The following CHLSN variants were observed in gnomAD, a reference collection of about 807,000 sequenced individuals.
CHLSN encodes protein cholesin.
chr7:1,091,594 T>C, the CHLSN span: 1 of 743,516 alleles, frequency 1.3e-6, no homozygotes, highest in Non-Finnish European at 2.3e-6. Context: ...GTGCTCCTCC[T>C]GGGGAGTTTC....
chr7:1,011,276 G>C, the CHLSN span, among the ~76,000 whole-genome samples: 2 of 104,650 alleles, frequency 1.9e-5, no homozygotes, highest in African/African-American at 3.7e-5. Flanking sequence ...CCCACACCCA[G>C]ATACCCACAC....
At chr7:1,055,374 C>T in the CHLSN span, 1 of 470,744 alleles carries the variant, frequency 2.1e-6, no homozygotes, top group Admixed American at 2.3e-5. Flanking sequence ...AGAAGCGCAG[C>T]AGCGCGCAGG....
At chr7:1,093,631 G>A in the CHLSN span, 1 of 471,256 alleles carries the variant, frequency 2.1e-6, no homozygotes, top group Non-Finnish European at 4.4e-6. Flanking sequence ...CTGCCGTGTG[G>A]GTTAGTCGGG....
chr7:980,172 A>G, the CHLSN span, among the ~76,000 whole-genome samples: 1 of 152,200 alleles, frequency 6.6e-6, no homozygotes. Flanking sequence ...CTGAGTTTGG[A>G]ACCAGGTCTG....
At chr7:1,106,373 G>C in the CHLSN span, among the ~76,000 whole-genome samples, 3 of 152,308 alleles carry the variant, frequency 2.0e-5, no homozygotes, top group Admixed American at 1.3e-4. Context: ...GCGCTTCTGA[G>C]GGCCCCTGTG....
the CHLSN span, chr7:1,028,293 G>C: frequency 9.4e-7 from 1 of 1,060,870 alleles, no homozygotes. Flanking sequence ...GGGCACGGAC[G>C]GCGCCGGGGC....
the CHLSN span, among the ~76,000 whole-genome samples, chr7:999,137 A>G: frequency 6.6e-6 from 1 of 152,224 alleles, no homozygotes; most frequent in Non-Finnish European, 1.5e-5. Context: ...TTGCCTAACC[A>G]AGGATTATTT....
chr7:1,081,037 T>G, the CHLSN span: 14 of 152,416 alleles, frequency 9.2e-5, no homozygotes, highest in African/African-American at 2.6e-4. Flanking sequence ...TTTGTTACTC[T>G]GCCTCTTAGA....
the CHLSN span, among the ~76,000 whole-genome samples, chr7:1,095,456 A>G: frequency 6.6e-6 from 1 of 152,324 alleles, no homozygotes; most frequent in East Asian, 1.9e-4. Context: ...CCCAGAAAGC[A>G]GGCGGGGTGG....
At chr7:1,027,842 G>A in the CHLSN span, among the ~76,000 whole-genome samples, 1 of 152,220 alleles carries the variant, frequency 6.6e-6, no homozygotes, top group African/African-American at 2.4e-5. Context: ...CCCACCCAGG[G>A]TCCTCAGAGC....
At chr7:1,059,534 AGTGAGGTGGGTCTTAGTGG>A in the CHLSN span, among the ~76,000 whole-genome samples, 1 of 126,082 alleles carries the variant, frequency 7.9e-6, no homozygotes, top group African/African-American at 3.1e-5. Flanking sequence ...GGCGGGTCTT[AGTGAGGTGGGTCTTAGTGG>A]GGCGGGTCGG....
the CHLSN span, among the ~76,000 whole-genome samples, chr7:1,014,748 A>G: frequency 1.3e-5 from 2 of 152,270 alleles, no homozygotes; most frequent in African/African-American, 4.8e-5. Flanking sequence ...TGAACACCAC[A>G]TGCACAGAAA....
At chr7:988,052 G>T in the CHLSN span, among the ~76,000 whole-genome samples, 8 of 111,652 alleles carry the variant, frequency 7.2e-5, no homozygotes, top group South Asian at 2.1e-3. Context: ...GTCCTGGGGC[G>T]TCCCTCTCCA....
At chr7:1,062,229 G>C in the CHLSN span, among the ~76,000 whole-genome samples, 46 of 152,202 alleles carry the variant, frequency 3.0e-4, 1 homozygote, top group South Asian at 9.5e-3. Flanking sequence ...AGTTCTAAGA[G>C]TTATTGTAGG....
At chr7:1,056,065 C>T in the CHLSN span, 5,108 of 153,594 alleles carry the variant, frequency 0.033, 142 homozygotes, top group Middle Eastern at 0.14. Context: ...GAGGCCCGGA[C>T]GCCCCCCTCA....
chr7:983,064 C>T, the CHLSN span: 16 of 653,702 alleles, frequency 2.4e-5, no homozygotes, highest in South Asian at 1.1e-4. Context: ...TTAAGCCATC[C>T]GCTGGGGGCT....
At chr7:984,495 A>G in the CHLSN span, 25 of 1,552,824 alleles carry the variant, frequency 1.6e-5, no homozygotes, top group Non-Finnish European at 2.1e-5. Context: ...AGGCGGTCAA[A>G]GAGGCGCTGG....
the CHLSN span, among the ~76,000 whole-genome samples, chr7:1,042,251 C>T: frequency 6.6e-6 from 1 of 152,282 alleles, no homozygotes; most frequent in Admixed American, 6.5e-5. Flanking sequence ...CAGCCACAAA[C>T]ACATGACCCC....
the CHLSN span, among the ~76,000 whole-genome samples, chr7:1,001,536 G>GT: frequency 7.3e-6 from 1 of 137,396 alleles, no homozygotes; most frequent in African/African-American, 2.8e-5. Context: ...CCTGTGGGTG[G>GT]GGAGTCCTGT....
Sources: gnomAD v4.1 joint callset for allele counts (sites outside exome capture counted in the v4.1 genomes callset) on GRCh38, gnomAD v4.1.1 for gene constraint, MANE v1.5 for transcripts, NCBI Gene and HGNC (gene_info 2026-07-23, HGNC 2026-07-21) for gene names.